ZNF14: variants seen among roughly 807,000 people sequenced by gnomAD.
ZNF14 encodes gonadotropin inducible transcription repressor-4.
In ZNF14, 9 loss-of-function variants were observed where a neutral mutation model predicts 11.3. The observed-to-expected ratio is 0.80, with a 90% confidence interval of 0.48 to 1.39. The LOEUF (loss-of-function observed/expected upper bound fraction) is 1.39, where lower values mean the gene tolerates loss of function less well. Among genes scored for constraint, ZNF14 ranks in the 40% most tolerant of loss-of-function variants. ZNF14 has a pLI of 0.00. For missense variants in ZNF14, 711 were observed against 763.9 expected (o/e 0.93, Z 0.82); for synonymous variants, 239 against 245.7 (o/e 0.97, Z 0.25).
chr19:19,712,316 A>C lies in ZNF14; in HGVS notation c.965T>G (p.Phe322Cys). Residue 322 changes from phenylalanine (F) to cysteine (C), a missense_variant, in exon 4 of 4, where the codon TTT becomes TGT. Phe to Cys is a radical substitution (Grantham distance 205). Coordinates refer to ENST00000344099, the MANE Select transcript of ZNF14 (RefSeq NM_021030.3). Reference protein sequence around the residue: ...CGKAFFYSASFRAHVIIHTGA... With the variant: ...CGKAFFYSASCRAHVIIHTGA... ...AGTGTGTATTATTACATGTGCTCGA[A>C]AGCTTGCAGAATAAAAGAAGGCTTT... 6.2e-7 allele frequency: 1 copy of C among 1,613,974 alleles called. No homozygotes were observed. Among genetic ancestry groups the C allele is most frequent in the Non-Finnish European group, 8.5e-7 (1 of 1,179,976 alleles).
chr19:19,711,610 T>C lies in ZNF14; in HGVS notation c.1671A>G (p.Lys557=), dbSNP rs1353436385. The change falls in exon 4 of 4, where the codon AAA becomes AAG. Residue 557 remains lysine, a synonymous_variant. Transcript: ENST00000344099. The stretch of plus-strand genomic sequence containing the variant: ...TTCCACATTGTTTACATTGATACGG[T>C]TTCTCTCCAGTGTGAGTCCTTTCAT... ...RLHERTHTGE[K]PYQCKQCGKA... 1 of 1,614,080 alleles carries C rather than the reference T, an allele frequency of 6.2e-7. No homozygotes were observed. The highest frequency in any genetic ancestry group is 1.3e-5 in the African/African-American group (1 of 74,936).
chr19:19,733,053 G>C lies in ZNF14; in HGVS notation c.-95C>G, dbSNP rs1236312372. The stretch of plus-strand genomic sequence containing the variant: ...AAAGGATGCGCTAGAGCCACCTTCG[G>C]CCTTCAGGAGCAGGTGAAACGCAAT... On this transcript the variant is annotated 5_prime_UTR_variant, in exon 1 of 4. Coordinates refer to ENST00000344099, the MANE Select transcript of ZNF14 (RefSeq NM_021030.3). 3.3e-6 allele frequency: 5 copies of C among 1,495,950 alleles called. No homozygotes were observed. Among genetic ancestry groups the C allele is most frequent in the Non-Finnish European group, 4.6e-6 (5 of 1,095,994 alleles). 92.7% of individuals were successfully genotyped at this position (1,495,950 alleles called of 1,614,324 possible). A position where few individuals can be genotyped will look rare whatever the true frequency, so the allele number is the denominator to read the frequency against.
In ZNF14 at chr19:19,733,094, G is replaced by T; in HGVS notation, c.-136C>A. On this transcript the variant is annotated 5_prime_UTR_variant, in exon 1 of 4. Coordinates refer to ENST00000344099, the MANE Select transcript of ZNF14 (RefSeq NM_021030.3). The stretch of plus-strand genomic sequence containing the variant: ...GAAACGCAATCTTCCCATGGGCCAG[G>T]AATGGCGACGTCCGCACTGCGCAGG... 1 of 1,116,092 alleles carries T rather than the reference G, an allele frequency of 9.0e-7. No homozygotes were observed. The highest frequency in any genetic ancestry group is 1.3e-6 in the Non-Finnish European group (1 of 776,414). The allele number at this position is 1,116,092 out of a possible 1,614,324, so 69.1% of individuals were successfully genotyped here. A position where few individuals can be genotyped will look rare whatever the true frequency, so the allele number is the denominator to read the frequency against.
chr19:19,712,450 T>C lies in ZNF14; in HGVS notation c.831A>G (p.Lys277=). Residue 277 remains lysine, a synonymous_variant, in exon 4 of 4, where the codon AAA becomes AAG. Coordinates refer to ENST00000344099, the MANE Select transcript of ZNF14 (RefSeq NM_021030.3). ...RTHERTHTGE[K]PYKCKECGKA... is the part of the protein sequence containing the mutation. ...TACCACATTCTTTACATTTGTAGGGTTTTTCTCCAGTGTGAGTTCTTTCAT... is the reference window on the plus strand; with the variant it reads ...TACCACATTCTTTACATTTGTAGGGCTTTTCTCCAGTGTGAGTTCTTTCAT... 6.4e-7 allele frequency: 1 copy of C among 1,559,144 alleles called. No individual in the cohort carries two copies. Among genetic ancestry groups the C allele is most frequent in the Non-Finnish European group, 8.8e-7 (1 of 1,142,610 alleles).
chr19:19,732,494 A>G (rs1053109271), intron 1 of ZNF14, among the ~76,000 whole-genome samples: 1 of 152,216 alleles, frequency 6.6e-6, no homozygotes, highest in Non-Finnish European at 1.5e-5. Context: ...GTCCCTGGTG[A>G]TGAGGGCAGG....
chr19:19,728,127 A>C lies in ZNF14; in HGVS notation c.3+4829T>G, dbSNP rs962460066. On this transcript the variant is annotated intron_variant, in intron 1 of 3. Coordinates refer to ENST00000344099, the MANE Select transcript of ZNF14 (RefSeq NM_021030.3). ...TGAGACTCTTGTCTCAAACAAAACA[A>C]AACAAAACAAACAAAAAAACACAAC... 5.4e-4 allele frequency among the ~76,000 whole-genome samples: 72 copies of C among 132,406 alleles called. 16 individuals carry two copies. Among genetic ancestry groups the C allele is most frequent in the Admixed American group, 5.3e-3 (72 of 13,466 alleles). 86.9% of individuals were successfully genotyped at this position (132,406 alleles called of 152,430 possible).
Position 19,712,044 on chromosome 19 carries a change from G to T in ZNF14, c.1237C>A (p.His413Asn). 6.2e-7 allele frequency: 1 copy of T among 1,613,976 alleles called. No individual in the cohort carries two copies. Among genetic ancestry groups the T allele is most frequent in the Non-Finnish European group, 8.5e-7 (1 of 1,179,996 alleles). Residue 413 changes from histidine (H) to asparagine (N), a missense_variant, in exon 4 of 4, where the codon CAC (histidine) becomes AAC (asparagine). Coordinates refer to ENST00000344099, the MANE Select transcript of ZNF14 (RefSeq NM_021030.3). Reference sequence around the variant, plus strand: ...CATTCATAGGGTTTCTCTCCAGTGTGAGTTGTTTCGTGTTCTCGAAGGGAA... The same window carrying T: ...CATTCATAGGGTTTCTCTCCAGTGTTAGTTGTTTCGTGTTCTCGAAGGGAA... Reference protein sequence around the residue: ...SSSLREHETTHTGEKPYECKQ... With the variant: ...SSSLREHETTNTGEKPYECKQ...
At chr19:19,732,007 G>A (rs1441746878) in intron 1 of ZNF14, among the ~76,000 whole-genome samples, 7 of 152,072 alleles carry the variant, frequency 4.6e-5, no homozygotes, top group African/African-American at 1.7e-4. Context: ...GGAGCTTGCA[G>A]TGAGCTGGAG....
rs1349266823 is a variant in ZNF14 at position 19,712,056 on chromosome 19, G to A, written c.1225C>T (p.His409Tyr). 6.2e-7 allele frequency: 1 copy of A among 1,613,826 alleles called. No individual in the cohort carries two copies. Among genetic ancestry groups the A allele is most frequent in the Non-Finnish European group, 8.5e-7 (1 of 1,179,954 alleles). ...TTCTCTCCAGTGTGAGTTGTTTCGT[G>A]TTCTCGAAGGGAACTTGAAAAACTG... ...TFSFSSSLRE[H>Y]ETTHTGEKPY... The change falls in exon 4 of 4, where the codon CAC becomes TAC. Residue 409 changes from histidine (H) to tyrosine (Y), a missense_variant. By Grantham distance (83) the His-to-Tyr change is moderately conservative (BLOSUM62 2). Transcript: ENST00000344099.
chr19:19,714,238 G>T, intron 2 of ZNF14, 87 bp from the exon 3 acceptor site: 1 of 1,584,878 alleles, frequency 6.3e-7, no homozygotes. Flanking sequence ...AGCTGTGACT[G>T]TCTGATTCAA....
intron 1 of ZNF14, among the ~76,000 whole-genome samples, chr19:19,719,691 GAAC>G (rs998544722): frequency 3.3e-5 from 5 of 151,698 alleles, no homozygotes; most frequent in African/African-American, 1.2e-4. Flanking sequence ...GGGAAAGGAA[GAAC>G]AACAACAAAT....
rs1380998534 is a variant in ZNF14, at chr19:19,733,020, G to C, written c.-62C>G. ...GGATCTGTCAGTACCTGCAGGTCAC[G>C]GCGCGACAAAGGATGCGCTAGAGCC... On this transcript the variant is annotated 5_prime_UTR_variant, in exon 1 of 4. Transcript: ENST00000344099. The C allele has an allele frequency of 3.8e-6, 6 of 1,599,310 alleles. No individual in the cohort carries two copies. Among genetic ancestry groups the C allele is most frequent in the Middle Eastern group, 1.7e-4 (1 of 6,036 alleles).
At chr19:19,714,557 G>C in intron 1 of ZNF14, 70 bp from the exon 2 acceptor site, 1 of 1,530,768 alleles carries the variant, frequency 6.5e-7, no homozygotes, top group Non-Finnish European at 8.8e-7. Flanking sequence ...TACTTGATTT[G>C]TAAGAAGTTC....
At chr19:19,723,453 GC>G (rs1312891152) in intron 1 of ZNF14, among the ~76,000 whole-genome samples, 1 of 152,152 alleles carries the variant, frequency 6.6e-6, no homozygotes, top group African/African-American at 2.4e-5. Context: ...TGGTGGATAA[GC>G]TTTTTGATGT....
Position 19,713,047 on chromosome 19 carries a change from G to T in ZNF14, c.234C>A (p.Ser78Arg). 6.2e-7 allele frequency: 1 copy of T among 1,611,332 alleles called. No individual in the cohort carries two copies. Among genetic ancestry groups the T allele is most frequent in the Non-Finnish European group, 8.5e-7 (1 of 1,178,424 alleles). The change falls in exon 4 of 4, where the codon AGC becomes AGA. Residue 78 changes from serine (S) to arginine (R), a missense_variant. Coordinates refer to ENST00000344099, the MANE Select transcript of ZNF14 (RefSeq NM_021030.3). ...TCTGGCTAGTGGTTTCTCCACATTTGCTACCTCTTCTACTTTCACAGAGTC... is the reference window on the plus strand; with the variant it reads ...TCTGGCTAGTGGTTTCTCCACATTTTCTACCTCTTCTACTTTCACAGAGTC... ...VERLCESRRG[S>R]KCGETTSQMP...
chr19:19,722,036 A>G (rs1277459274), intron 1 of ZNF14, among the ~76,000 whole-genome samples: 1 of 151,716 alleles, frequency 6.6e-6, no homozygotes, highest in Non-Finnish European at 1.5e-5. Context: ...CGCCTTTCTC[A>G]TTCACCTCTG....
At chr19:19,716,719 T>G (rs1302355363) in intron 1 of ZNF14, among the ~76,000 whole-genome samples, 2 of 152,096 alleles carry the variant, frequency 1.3e-5, no homozygotes, top group African/African-American at 4.8e-5. Context: ...AAAATAAACA[T>G]CAAATCAATT....
In ZNF14 at chr19:19,711,624, G is replaced by C; in HGVS notation, c.1657C>G (p.His553Asp). Residue 553 changes from histidine to aspartate, a missense_variant, in exon 4 of 4, where the codon CAC (histidine) becomes GAC (aspartate). Transcript: ENST00000344099. ...SSQIRLHERTHTGEKPYQCKQ... is the reference protein window; with the variant it reads ...SSQIRLHERTDTGEKPYQCKQ... ...CATTGATACGGTTTCTCTCCAGTGT[G>C]AGTCCTTTCATGCAATCGAATTTGA... is the stretch of plus-strand genomic sequence containing the variant. 6.2e-7 allele frequency: 1 copy of C among 1,614,186 alleles called. No individual in the cohort carries two copies. The highest frequency in any genetic ancestry group is 8.5e-7 in the Non-Finnish European group (1 of 1,180,030).
rs142193256 is a variant in ZNF14, at chr19:19,712,028, G to C, written c.1253C>G (p.Pro418Arg). 17 of 1,613,892 alleles carry C rather than the reference G, an allele frequency of 1.1e-5. No individual in the cohort carries two copies. In the African/African-American group the frequency reaches 1.9e-4, roughly 18 times the overall value. Residue 418 changes from proline (P) to arginine (R), a missense_variant, in exon 4 of 4, where the codon CCC becomes CGC. Physicochemically the swap from Pro to Arg is moderately radical, Grantham distance 103. Coordinates refer to ENST00000344099, the MANE Select transcript of ZNF14 (RefSeq NM_021030.3). ...EHETTHTGEK[P>R]YECKQCGKTF... ...TTTACCACATTGTTTACATTCATAG[G>C]GTTTCTCTCCAGTGTGAGTTGTTTC...
Sources: gnomAD v4.1 joint callset for allele counts (sites outside exome capture counted in the v4.1 genomes callset) on GRCh38, gnomAD v4.1.1 for gene constraint, MANE v1.5 for transcripts, NCBI Gene and HGNC (gene_info 2026-07-23, HGNC 2026-07-21) for gene names.